PCDH15: variants seen among roughly 807,000 people sequenced by gnomAD.
PCDH15 encodes protocadherin related 15, also known as protocadherin-15.
Under a neutral mutation model 178.5 loss-of-function variants are expected in PCDH15, and 129 were observed. That is an observed-to-expected ratio of 0.72 (90% CI 0.63 to 0.84). PCDH15 has a LOEUF of 0.84. PCDH15 is among the 40% of genes least tolerant of loss of function. The probability of loss-of-function intolerance (pLI) is 0.00; values close to 1 mark genes in which losing one functional copy is unlikely to be tolerated. For synonymous variants in PCDH15, 800 were observed against 732.0 expected (o/e 1.09, Z -1.50); for missense variants, 2,230 against 2,099.9 (o/e 1.06, Z -1.21).
intron 3 of PCDH15, among the ~76,000 whole-genome samples, chr10:54,812,968 C>T (rs1394251970): frequency 1.3e-5 from 2 of 152,194 alleles, no homozygotes; most frequent in Non-Finnish European, 2.9e-5. Flanking sequence ...GATTCTAACA[C>T]CTACCTAAAA....
chr10:55,437,561 A>G (rs1839071444), intron 2 of PCDH15, among the ~76,000 whole-genome samples: 1 of 152,172 alleles, frequency 6.6e-6, no homozygotes, highest in African/African-American at 2.4e-5. Flanking sequence ...TACAAGTACT[A>G]AAGGTTTAGA....
intron 8 of PCDH15, among the ~76,000 whole-genome samples, chr10:54,292,564 T>C (rs2059489073): frequency 6.6e-6 from 1 of 152,218 alleles, no homozygotes; most frequent in Non-Finnish European, 1.5e-5. Flanking sequence ...ATTGCATATT[T>C]AGAAAGCCCC....
At position 54,708,048 on chromosome 10, in the gene PCDH15, A is replaced by G. The variant is rs572896858; in HGVS notation, c.-28-43758T>C. On this transcript the variant is annotated intron_variant, in intron 1 of 37. Transcript: ENST00000644397. ...AGCAACAGGAAAAGCATGAGAAAAT[A>G]TATGCAATTATAAAATAACATGCAT... 5.9e-5 allele frequency among the ~76,000 whole-genome samples: 9 copies of G among 152,334 alleles called. No individual in the cohort carries two copies. The South Asian group carries it at 1.0e-3, about 18-fold the overall frequency.
intron 3 of PCDH15, among the ~76,000 whole-genome samples, chr10:54,479,391 A>T (rs2078533693): frequency 6.6e-6 from 1 of 152,042 alleles, no homozygotes; most frequent in South Asian, 2.1e-4. Context: ...TGTGTGTAAC[A>T]TATTGAATAC....
At chr10:54,722,696 T>C (rs569526167) in intron 1 of PCDH15, among the ~76,000 whole-genome samples, 2 of 151,692 alleles carry the variant, frequency 1.3e-5, no homozygotes, top group East Asian at 3.9e-4. Context: ...TCAGTAAAAT[T>C]TGAAGACACA....
At chr10:55,578,541 A>G (rs1188366283) in intron 2 of PCDH15, among the ~76,000 whole-genome samples, 2 of 152,044 alleles carry the variant, frequency 1.3e-5, no homozygotes, top group East Asian at 1.9e-4. Flanking sequence ...TTTTAAAGTG[A>G]TAATTCCCAA....
chr10:55,244,134 A>T (rs1299003727), intron 1 of PCDH15, among the ~76,000 whole-genome samples: 1 of 152,074 alleles, frequency 6.6e-6, no homozygotes, highest in East Asian at 1.9e-4. Context: ...CTGGACCAAA[A>T]TGGAATGTGA....
chr10:54,814,492 A>G (rs753062208), intron 3 of PCDH15, among the ~76,000 whole-genome samples: 1 of 152,200 alleles, frequency 6.6e-6, no homozygotes, highest in African/African-American at 2.4e-5. Context: ...TCATTATACC[A>G]CATTTTACAG....
chr10:54,318,254 TACTTTCTGTCATG>T (rs2061398698), intron 7 of PCDH15, among the ~76,000 whole-genome samples: 1 of 152,198 alleles, frequency 6.6e-6, no homozygotes, highest in Non-Finnish European at 1.5e-5. Flanking sequence ...TTTCTAAAAC[TACTTTCTGTCATG>T]AAAATTCAAG....
At chr10:54,839,895 A>G (rs2133759890) in intron 3 of PCDH15, among the ~76,000 whole-genome samples, 1 of 152,222 alleles carries the variant, frequency 6.6e-6, no homozygotes, top group African/African-American at 2.4e-5. Flanking sequence ...AATCTTGCCA[A>G]CCAACATTAT....
At chr10:55,554,716 C>G (rs1032921967) in intron 2 of PCDH15, among the ~76,000 whole-genome samples, 3 of 151,936 alleles carry the variant, frequency 2.0e-5, no homozygotes, top group Non-Finnish European at 4.4e-5. Flanking sequence ...GCAACCAAAC[C>G]CTGTGTAAAA....
At chr10:54,042,360 T>C (rs1219015030) in intron 18 of PCDH15, among the ~76,000 whole-genome samples, 1 of 152,110 alleles carries the variant, frequency 6.6e-6, no homozygotes, top group African/African-American at 2.4e-5. Flanking sequence ...ATGCTATATT[T>C]GCAGGCAGTC....
At chr10:53,912,309 T>C (rs73246897) in intron 25 of PCDH15, among the ~76,000 whole-genome samples, 2,332 of 152,044 alleles carry the variant, frequency 0.015, 68 homozygotes, top group African/African-American at 0.054. Context: ...AAATAAGAGG[T>C]ATTTCTGACA....
intron 2 of PCDH15, among the ~76,000 whole-genome samples, chr10:55,060,257 A>G (rs1286184395): frequency 6.6e-6 from 1 of 152,110 alleles, no homozygotes; most frequent in Non-Finnish European, 1.5e-5. Flanking sequence ...TATATGAATC[A>G]TTACTTTATT....
At chr10:55,254,338 G>A (rs779287211) in intron 1 of PCDH15, among the ~76,000 whole-genome samples, 1 of 152,148 alleles carries the variant, frequency 6.6e-6, no homozygotes, top group African/African-American at 2.4e-5. Flanking sequence ...TCTCTTTTGA[G>A]TGAGGGTTTT....
chr10:55,158,110 T>C (rs1838948064), intron 2 of PCDH15, among the ~76,000 whole-genome samples: 1 of 149,148 alleles, frequency 6.7e-6, no homozygotes, highest in Admixed American at 6.7e-5. Context: ...ACATATCTTT[T>C]ATAATTATTA....
chr10:54,782,153 T>C (rs1196253842), intron 1 of PCDH15, among the ~76,000 whole-genome samples: 2 of 152,168 alleles, frequency 1.3e-5, no homozygotes, highest in East Asian at 3.9e-4. Context: ...AAAAGAACTA[T>C]TGATACTCCA....
chr10:54,655,227 A>G (rs1217165845), intron 2 of PCDH15, among the ~76,000 whole-genome samples: 4 of 140,684 alleles, frequency 2.8e-5, no homozygotes, highest in African/African-American at 1.0e-4. Flanking sequence ...GAAGGGAGGA[A>G]GGGAGGAAGG....
At chr10:54,022,019 T>A (rs777466239) in intron 19 of PCDH15, among the ~76,000 whole-genome samples, 2 of 152,102 alleles carry the variant, frequency 1.3e-5, no homozygotes, top group African/African-American at 4.8e-5. Context: ...TTTAGATTTG[T>A]TAATGTTTAT....
Sources: gnomAD v4.1 joint callset for allele counts (sites outside exome capture counted in the v4.1 genomes callset) on GRCh38, gnomAD v4.1.1 for gene constraint, MANE v1.5 for transcripts, NCBI Gene and HGNC (gene_info 2026-07-23, HGNC 2026-07-21) for gene names.